Variants in CENPW observed in about 807,000 individuals in gnomAD.
The protein encoded by CENPW is cancer-up-regulated gene 2 protein.
CENPW carries 3 observed loss-of-function variants against 11.1 expected under a neutral mutation model. The observed-to-expected ratio is 0.27, with a 90% CI of 0.12 to 0.70. The LOEUF is 0.70. Ranked by LOEUF, CENPW falls within the 30% of genes least tolerant of loss-of-function variation. The probability of loss-of-function intolerance (pLI) is 0.77; values close to 1 mark genes in which losing one functional copy is unlikely to be tolerated. For missense variants in CENPW, 100 were observed against 105.6 expected (o/e 0.95, Z 0.23); for synonymous variants, 38 against 42.0 (o/e 0.91, Z 0.37).
chr6:126,412,323 T>C, the CENPW span, among the ~76,000 whole-genome samples: 5 of 151,790 alleles, frequency 3.3e-5, no homozygotes, highest in East Asian at 9.7e-4. Flanking sequence ...TTGTTGTATT[T>C]AGAGTCTTGT....
the CENPW span, among the ~76,000 whole-genome samples, chr6:126,414,720 G>A: frequency 1.3e-5 from 2 of 150,980 alleles, no homozygotes; most frequent in African/African-American, 4.9e-5. Flanking sequence ...TCAAGGAATT[G>A]GAAAAGCAAA....
At chr6:126,401,684 A>G in the CENPW span, among the ~76,000 whole-genome samples, 1 of 151,830 alleles carries the variant, frequency 6.6e-6, no homozygotes, top group Non-Finnish European at 1.5e-5. Flanking sequence ...AAGGAGATGG[A>G]TTTGGGGTTG....
chr6:126,355,337 G>C, the CENPW span, among the ~76,000 whole-genome samples: 7 of 152,024 alleles, frequency 4.6e-5, no homozygotes, highest in African/African-American at 1.7e-4. Flanking sequence ...ACTTTTTAAA[G>C]GTATTTTTGA....
At chr6:126,355,201 T>G in the CENPW span, among the ~76,000 whole-genome samples, 1 of 152,168 alleles carries the variant, frequency 6.6e-6, no homozygotes. Context: ...TTAATTATTA[T>G]CTTGTTAATC....
Position 126,340,368 on chromosome 6 carries a change from A to G in CENPW, c.95A>G (p.Gln32Arg), listed in dbSNP as rs1254396868. The G allele has an allele frequency of 6.2e-7, 1 of 1,614,160 alleles. No homozygotes were observed. Among genetic ancestry groups the G allele is most frequent in the Non-Finnish European group, 8.5e-7 (1 of 1,180,028 alleles). ...LKRVFKRKKP[Q>R]LRLEKSGDLL... Reference sequence around the variant, plus strand: ...CGAGTCTTCAAGCGAAAGAAGCCTCAACTTCGTCTGGAGAAAAGTGGTGAC... The same window carrying G: ...CGAGTCTTCAAGCGAAAGAAGCCTCGACTTCGTCTGGAGAAAAGTGGTGAC... The change falls in exon 1 of 3, where the codon CAA (glutamine) becomes CGA (arginine). Residue 32 changes from glutamine (Q) to arginine (R), a missense_variant. Transcript: ENST00000368328.
At chr6:126,370,504 T>A in the CENPW span, among the ~76,000 whole-genome samples, 1 of 152,140 alleles carries the variant, frequency 6.6e-6, no homozygotes, top group South Asian at 2.1e-4. Context: ...TCCTAAGTAT[T>A]TTATTTTTTA....
In CENPW at chr6:126,340,311, T is replaced by A; in HGVS notation, c.38T>A (p.Ile13Lys). The A allele has an allele frequency of 6.2e-7, 1 of 1,614,004 alleles. No individual in the cohort carries two copies. Among genetic ancestry groups the A allele is most frequent in the Non-Finnish European group, 8.5e-7 (1 of 1,180,030 alleles). ...LSTIVSQRKQ[I>K]KRKAPRGFLK... is the part of the protein sequence containing the mutation. Reference sequence around the variant, plus strand: ...ACCATAGTCTCCCAGAGGAAGCAGATAAAGCGGAAGGCTCCCCGTGGCTTT... The same window carrying A: ...ACCATAGTCTCCCAGAGGAAGCAGAAAAAGCGGAAGGCTCCCCGTGGCTTT... Residue 13 changes from isoleucine to lysine, a missense_variant, in exon 1 of 3, where the codon ATA (isoleucine) becomes AAA (lysine). Transcript: ENST00000368328.
the CENPW span, among the ~76,000 whole-genome samples, chr6:126,447,571 A>G: frequency 6.6e-6 from 1 of 151,212 alleles, no homozygotes; most frequent in African/African-American, 2.4e-5. Flanking sequence ...AGTGTTTTAA[A>G]TGTCCATGTT....
At chr6:126,462,818 A>T in the CENPW span, among the ~76,000 whole-genome samples, 4 of 152,006 alleles carry the variant, frequency 2.6e-5, no homozygotes, top group Non-Finnish European at 5.9e-5. Context: ...TGAAAGGACG[A>T]GTGCTTGTAC....
the CENPW span, among the ~76,000 whole-genome samples, chr6:126,375,433 A>G: frequency 3.3e-5 from 5 of 152,170 alleles, no homozygotes; most frequent in Non-Finnish European, 7.4e-5. Context: ...ACTATAGAGG[A>G]GCAGGGGTCA....
downstream of CENPW, among the ~76,000 whole-genome samples, chr6:126,349,981 T>G (rs1780472472): frequency 1.3e-5 from 2 of 152,046 alleles, no homozygotes; most frequent in Admixed American, 6.6e-5. Context: ...CTGAGTAGCC[T>G]CCTTCTTGCA....
the CENPW span, among the ~76,000 whole-genome samples, chr6:126,474,926 G>A: frequency 8.6e-5 from 13 of 152,028 alleles, no homozygotes; most frequent in Admixed American, 1.3e-4. Context: ...GATTTTAGGT[G>A]CCTGCTATGA....
the CENPW span, among the ~76,000 whole-genome samples, chr6:126,383,194 G>T: frequency 6.6e-6 from 1 of 152,140 alleles, no homozygotes; most frequent in Admixed American, 6.5e-5. Context: ...AAGTGAATGA[G>T]AAATAAGATT....
the CENPW span, among the ~76,000 whole-genome samples, chr6:126,468,420 C>CAAAA: frequency 1.6e-3 from 87 of 53,076 alleles, 2 homozygotes; most frequent in South Asian, 8.6e-3. Flanking sequence ...AACTCTGTCT[C>CAAAA]AAAAAAAAAA....
the CENPW span, among the ~76,000 whole-genome samples, chr6:126,411,993 C>T: frequency 9.4e-6 from 1 of 106,120 alleles, no homozygotes; most frequent in Non-Finnish European, 2.0e-5. Flanking sequence ...TTCCTTCCCC[C>T]ACTCCCTTCC....
At chr6:126,462,366 C>G in the CENPW span, among the ~76,000 whole-genome samples, 1 of 151,852 alleles carries the variant, frequency 6.6e-6, no homozygotes, top group South Asian at 2.1e-4. Context: ...TCTCAAGATA[C>G]AGTTTAGTGA....
the CENPW span, among the ~76,000 whole-genome samples, chr6:126,468,188 CG>C: frequency 2.0e-5 from 3 of 151,564 alleles, no homozygotes; most frequent in Admixed American, 1.3e-4. Flanking sequence ...GGGAGGCTGA[CG>C]GGGGGCAGAT....
the CENPW span, among the ~76,000 whole-genome samples, chr6:126,467,767 C>A: frequency 1.3e-5 from 2 of 151,984 alleles, no homozygotes; most frequent in Non-Finnish European, 2.9e-5. Flanking sequence ...TGACTGTCTT[C>A]CAAAAAATAC....
the CENPW span, among the ~76,000 whole-genome samples, chr6:126,416,438 G>A: frequency 1.3e-5 from 2 of 152,266 alleles, no homozygotes; most frequent in Admixed American, 1.3e-4. Context: ...AGAAATTTGC[G>A]TAATTAACGA....
Sources: gnomAD v4.1 joint callset for allele counts (sites outside exome capture counted in the v4.1 genomes callset) on GRCh38, gnomAD v4.1.1 for gene constraint, MANE v1.5 for transcripts, NCBI Gene and HGNC (gene_info 2026-07-23, HGNC 2026-07-21) for gene names.